MYO5B: variants seen among roughly 807,000 people sequenced by gnomAD.
The protein encoded by MYO5B is myosin VB.
In MYO5B, 143 loss-of-function variants were observed where a neutral mutation model predicts 229.3. The observed-to-expected ratio is 0.62, with a 90% CI of 0.54 to 0.72. The LOEUF (loss-of-function observed/expected upper bound fraction) is 0.72, where lower values mean the gene tolerates loss of function less well. MYO5B is among the 30% of genes least tolerant of loss of function. MYO5B has a pLI of 0.00. For missense variants in MYO5B, 2,321 were observed against 2,331.0 expected (o/e 1.00, Z 0.09); for synonymous variants, 918 against 885.2 (o/e 1.04, Z -0.66).
At chr18:50,085,620 G>GT (rs780482468) in intron 1 of MYO5B, among the ~76,000 whole-genome samples, 44 of 152,284 alleles carry the variant, frequency 2.9e-4, no homozygotes, top group Admixed American at 7.9e-4. Context: ...GCACACATAT[G>GT]TTTTTTGCGG....
At position 49,895,022 on chromosome 18, in the gene MYO5B, C is replaced by T. The variant is rs1259512452; in HGVS notation, c.2964G>A (p.Leu988=). The T allele has an allele frequency of 6.2e-7, 1 of 1,614,022 alleles. No homozygotes were observed. Among genetic ancestry groups the T allele is most frequent in the Non-Finnish European group, 8.5e-7 (1 of 1,180,030 alleles). The change falls in exon 22 of 40, where the codon CTG becomes CTA. Residue 988 remains leucine (L), a synonymous_variant. Coordinates refer to ENST00000285039, the MANE Select transcript of MYO5B (RefSeq NM_001080467.3). ...AGTGGGCCCTCTGCAGCTCTGTGCG[C>T]AGGCTCTCCACCTCCTCCTGCAGCC... ...SLRLQEEVES[L]RTELQRAHSE...
chr18:49,880,330 G>T, intron 23 of MYO5B, 41 bp downstream of exon 23: 3 of 1,552,590 alleles, frequency 1.9e-6, no homozygotes, highest in Non-Finnish European at 2.7e-6. Flanking sequence ...GAGGAAAAGA[G>T]ATTAAAACCC....
intron 35 of MYO5B, 99 bp from the exon 36 acceptor site, chr18:49,839,393 GGGGGCCTACTCA>G: frequency 1.4e-6 from 2 of 1,409,996 alleles, no homozygotes; most frequent in Non-Finnish European, 2.0e-6. Context: ...TTGGTGGGCA[GGGGGCCTACTCA>G]GGCCCTCCCT....
chr18:49,960,421 T>G (rs1427117567), intron 12 of MYO5B, among the ~76,000 whole-genome samples: 1 of 152,252 alleles, frequency 6.6e-6, no homozygotes, highest in Non-Finnish European at 1.5e-5. Flanking sequence ...TTCCCTAACC[T>G]CCTCAGGCTC....
chr18:50,056,325 TA>T (rs1461259008), intron 1 of MYO5B, among the ~76,000 whole-genome samples: 3 of 152,196 alleles, frequency 2.0e-5, no homozygotes, highest in Non-Finnish European at 4.4e-5. Context: ...TTCTTGGCTG[TA>T]CCTCAGACCA....
intron 4 of MYO5B, among the ~76,000 whole-genome samples, chr18:50,018,052 G>A (rs945620443): frequency 1.3e-5 from 2 of 152,062 alleles, no homozygotes; most frequent in Non-Finnish European, 2.9e-5. Context: ...TTTTTCTCCA[G>A]TCACTCAGCC....
intron 17 of MYO5B, among the ~76,000 whole-genome samples, chr18:49,914,963 C>T (rs1161465163): frequency 1.3e-5 from 2 of 152,006 alleles, no homozygotes; most frequent in African/African-American, 4.8e-5. Flanking sequence ...ACTTGTTCCT[C>T]CCAGCAGCCT....
intron 14 of MYO5B, among the ~76,000 whole-genome samples, chr18:49,941,916 G>A (rs2025318288): frequency 7.7e-6 from 1 of 129,688 alleles, no homozygotes; most frequent in Non-Finnish European, 1.7e-5. Flanking sequence ...CATGCTACCT[G>A]ACTTCAAACT....
chr18:50,178,366 T>C lies in MYO5B; in HGVS notation c.27+16401A>G, dbSNP rs34618434. ...AACTTCCCTGTCTGGTGCCATGAAC[T>C]AGCTCAGATATTAACCACTGTTTGC... On this transcript the variant is annotated intron_variant, in intron 1 of 39. Transcript: ENST00000285039. Among the ~76,000 whole-genome samples, 1,478 of 152,324 alleles carry C rather than the reference T, an allele frequency of 9.7e-3. 7 individuals are homozygous for C. Among genetic ancestry groups the C allele is most frequent in the Middle Eastern group, 0.058 (17 of 294 alleles).
chr18:50,086,976 T>C (rs1471893269), intron 1 of MYO5B, among the ~76,000 whole-genome samples: 3 of 152,206 alleles, frequency 2.0e-5, no homozygotes, highest in African/African-American at 4.8e-5. Flanking sequence ...TGACTGGGAA[T>C]AGTAAACCTC....
rs757756648 is a variant in MYO5B at position 49,843,304 on chromosome 18, G to A, written c.4548C>T (p.Asn1516=). Residue 1516 remains asparagine (N), a synonymous_variant, in exon 34 of 40, where the codon AAC becomes AAT. Coordinates refer to ENST00000285039, the MANE Select transcript of MYO5B (RefSeq NM_001080467.3). ...GCAGGGAGTGCACCTTGAGATCGTC[G>A]TTGGTGTAGTCCGCGTGCCGGATGC... is the stretch of plus-strand genomic sequence containing the variant. ...YMCIRHADYT[N]DDLKVHSLLT... 73 of 1,614,102 alleles carry A rather than the reference G, an allele frequency of 4.5e-5. No individual in the cohort carries two copies. The highest frequency in any genetic ancestry group is 1.2e-4 in the Admixed American group (7 of 60,008).
intron 1 of MYO5B, among the ~76,000 whole-genome samples, chr18:50,110,637 T>C (rs1599028363): frequency 6.6e-6 from 1 of 152,142 alleles, no homozygotes; most frequent in African/African-American, 2.4e-5. Context: ...AACTCACCAA[T>C]CACACTCCAT....
At chr18:49,961,105 G>A (rs1029606659) in intron 12 of MYO5B, among the ~76,000 whole-genome samples, 2 of 152,202 alleles carry the variant, frequency 1.3e-5, no homozygotes, top group African/African-American at 2.4e-5. Context: ...GGTAGTAGTG[G>A]ATGCTGAAAC....
chr18:49,999,312 C>T (rs558951891), intron 5 of MYO5B, among the ~76,000 whole-genome samples: 1 of 152,172 alleles, frequency 6.6e-6, no homozygotes, highest in African/African-American at 2.4e-5. Flanking sequence ...AATTGTGGAG[C>T]GGCTGTCTTA....
intron 1 of MYO5B, among the ~76,000 whole-genome samples, chr18:50,165,978 C>G (rs2032845420): frequency 6.6e-6 from 1 of 152,220 alleles, no homozygotes; most frequent in African/African-American, 2.4e-5. Context: ...TCTTCCACCT[C>G]AAGGTTTGGA....
Position 49,843,356 on chromosome 18 carries a change from CAG to C in MYO5B, c.4494_4495del (p.Cys1499SerfsTer34), listed in dbSNP as rs1340696265. The C allele has an allele frequency of 6.2e-7, 1 of 1,614,084 alleles. No individual in the cohort carries two copies. Among genetic ancestry groups the C allele is most frequent in the Non-Finnish European group, 8.5e-7 (1 of 1,180,046 alleles). On this transcript the variant is annotated frameshift_variant, in exon 34 of 40. Transcript: ENST00000285039. LOFTEE classifies it high-confidence loss of function. The stretch of plus-strand genomic sequence containing the variant: ...CATGTAGAGGATGTAGGCGGGGAGA[CAG>C]GGCACTGTGCCCGACAGCATCTGGG...
At chr18:49,963,134 A>T in intron 10 of MYO5B, 104 bp from the exon 11 acceptor site, 1 of 862,850 alleles carries the variant, frequency 1.2e-6, no homozygotes, top group Non-Finnish European at 2.0e-6. Flanking sequence ...ATGCCACTAC[A>T]GAATCCCCAT....
intron 1 of MYO5B, among the ~76,000 whole-genome samples, chr18:50,136,306 C>T (rs2032333388): frequency 6.6e-6 from 1 of 151,888 alleles, no homozygotes. Flanking sequence ...ATACTATCTA[C>T]CTGCCTTTAG....
At chr18:50,069,042 T>C (rs952062565) in intron 1 of MYO5B, among the ~76,000 whole-genome samples, 3 of 152,094 alleles carry the variant, frequency 2.0e-5, no homozygotes, top group Non-Finnish European at 4.4e-5. Context: ...GGTTCTATCA[T>C]TATTTAGCAG....
Sources: gnomAD v4.1 joint callset for allele counts (sites outside exome capture counted in the v4.1 genomes callset) on GRCh38, gnomAD v4.1.1 for gene constraint, MANE v1.5 for transcripts, NCBI Gene and HGNC (gene_info 2026-07-23, HGNC 2026-07-21) for gene names.